COL4A4: variants seen among roughly 807,000 people sequenced by gnomAD.
COL4A4 encodes the protein collagen type IV alpha 4 chain.
Under a neutral mutation model 192.9 loss-of-function variants are expected in COL4A4, and 105 were observed. The ratio of observed to expected loss-of-function variants is 0.54; its 90% confidence interval spans 0.46 to 0.64. The LOEUF (loss-of-function observed/expected upper bound fraction) is 0.64. Among genes scored for constraint, COL4A4 ranks in the 30% least tolerant of loss-of-function variants. COL4A4 has a pLI of 0.00. For missense variants in COL4A4, 1,967 were observed against 2,169.3 expected, an observed-to-expected ratio of 0.91 and a Z score of 1.85; for synonymous variants, 762 against 769.9, an observed-to-expected ratio of 0.99 and a Z score of 0.17.
Position 227,050,098 on chromosome 2 carries a change from A to G in COL4A4, c.3184T>C (p.Ser1062Pro). 1.2e-6 allele frequency: 2 copies of G among 1,614,232 alleles called. No individual in the cohort carries two copies. The highest frequency in any genetic ancestry group is 1.7e-6 in the Non-Finnish European group (2 of 1,180,034). ...GGTCCTCTTGCTCCATCAATTCCTG[A>G]AAATCCAGGGGGACCTGGAGAACCT... ...EPGSPGPPGF[S>P]GIDGARGPKG... The change falls in exon 34 of 48, where the codon TCA (serine) becomes CCA (proline). Residue 1062 changes from serine to proline, a missense_variant. Coordinates refer to ENST00000396625, the MANE Select transcript of COL4A4 (RefSeq NM_000092.5).
intron 18 of COL4A4, among the ~76,000 whole-genome samples, chr2:227,099,044 G>T (rs1394253012): frequency 6.6e-6 from 1 of 152,144 alleles, no homozygotes; most frequent in Non-Finnish European, 1.5e-5. Flanking sequence ...GCAGCATCTT[G>T]ATAGGTGTTA....
In COL4A4 at chr2:227,103,627, T is replaced by G. The variant is rs575443222; in HGVS notation, c.816+345A>C. On this transcript the variant is annotated intron_variant, in intron 13 of 47. Coordinates refer to ENST00000396625, the MANE Select transcript of COL4A4 (RefSeq NM_000092.5). ...TCTATGCATTTGTTACCTTCTCAAT[T>G]ATCAAGACATCAAACTCATCTGTAA... Among the ~76,000 whole-genome samples the G allele has an allele frequency of 4.9e-4, 75 of 152,344 alleles. 1 individual carries two copies. The highest frequency in any genetic ancestry group is 3.4e-3 in the Middle Eastern group (1 of 294).
At chr2:227,068,216 G>T (rs1474755106) in intron 25 of COL4A4, among the ~76,000 whole-genome samples, 3 of 151,694 alleles carry the variant, frequency 2.0e-5, no homozygotes, top group African/African-American at 4.8e-5. Flanking sequence ...TGAAATTGTG[G>T]CAATAATCAA....
chr2:226,980,419 C>T, the COL4A4 span, among the ~76,000 whole-genome samples: 3 of 152,236 alleles, frequency 2.0e-5, no homozygotes, highest in African/African-American at 7.2e-5. Context: ...GAAGAGAAAA[C>T]GGGAGATTTG....
chr2:227,022,312 T>C (rs1246486647), intron 43 of COL4A4, 139 bp from the exon 44 acceptor site: 1 of 1,167,950 alleles, frequency 8.6e-7, no homozygotes, highest in African/African-American at 1.5e-5. Flanking sequence ...GTATAAATGT[T>C]TGTAAAGATT....
At chr2:227,030,669 T>G (rs1329143063) in intron 40 of COL4A4, 71 bp from the exon 41 acceptor site, 2 of 1,291,348 alleles carry the variant, frequency 1.5e-6, no homozygotes, top group Non-Finnish European at 2.1e-6. Flanking sequence ...GCTTGACAGC[T>G]TCCGAAGAAA....
rs549729055 is a variant in COL4A4, at chr2:227,142,789, T to A, written c.114+1727A>T. ...AAAAAAAAAAGTTCAAACAAAGAAGTTATTAATGTCTTATACTTGTAATTC... is the reference window on the plus strand; with the variant it reads ...AAAAAAAAAAGTTCAAACAAAGAAGATATTAATGTCTTATACTTGTAATTC... On this transcript the variant is annotated intron_variant, in intron 3 of 47. Coordinates refer to ENST00000396625, the MANE Select transcript of COL4A4 (RefSeq NM_000092.5). 1.1e-4 allele frequency among the ~76,000 whole-genome samples: 17 copies of A among 151,070 alleles called. No individual in the cohort carries two copies. The South Asian group carries it at 3.6e-3, about 32-fold the overall frequency.
intron 37 of COL4A4, 54 bp downstream of exon 37, chr2:227,042,094 T>C: frequency 9.2e-7 from 1 of 1,083,252 alleles, no homozygotes; most frequent in Non-Finnish European, 1.4e-6. Context: ...ACACCATCAA[T>C]TTGCCCTCAT....
chr2:226,978,158 A>G, the COL4A4 span, among the ~76,000 whole-genome samples: 4 of 152,226 alleles, frequency 2.6e-5, no homozygotes, highest in South Asian at 2.1e-4. Flanking sequence ...CTTCAGATCC[A>G]TAGAAACAAT....
chr2:226,988,394 G>C, the COL4A4 span: 1 of 1,550,508 alleles, frequency 6.4e-7, no homozygotes. Context: ...GGTCAGAACA[G>C]ACAAAGGACC....
intron 1 of COL4A4, among the ~76,000 whole-genome samples, chr2:227,157,848 GT>G (rs1657248582): frequency 2.0e-5 from 3 of 151,896 alleles, no homozygotes; most frequent in African/African-American, 7.2e-5. Context: ...AATAATACCA[GT>G]TTTTTTATAT....
chr2:227,156,086 C>T (rs111391178), intron 1 of COL4A4, among the ~76,000 whole-genome samples: 8 of 151,530 alleles, frequency 5.3e-5, no homozygotes, highest in African/African-American at 1.9e-4. Flanking sequence ...GCTCACAATA[C>T]ATTGGGAAAA....
rs4296416 is a variant in COL4A4, at chr2:227,057,210, G to A, written c.2545+229C>T. On this transcript the variant is annotated intron_variant, in intron 29 of 47. Coordinates refer to ENST00000396625, the MANE Select transcript of COL4A4 (RefSeq NM_000092.5). The stretch of plus-strand genomic sequence containing the variant: ...TTCCTTGGCTCAGGGCTCCTCTCAT[G>A]TAATGCAACCCACTGTGTGTGTGGC... 0.62 allele frequency among the ~76,000 whole-genome samples: 93,743 copies of A among 151,984 alleles called. 29,130 individuals are homozygous for A. The highest frequency in any genetic ancestry group is 0.74 in the South Asian group (3,581 of 4,820).
chr2:227,109,341 C>T, intron 9 of COL4A4, 55 bp from the exon 10 acceptor site: 4 of 1,409,614 alleles, frequency 2.8e-6, no homozygotes, highest in Non-Finnish European at 4.0e-6. Flanking sequence ...TCATCTTTCA[C>T]AGAAAGAGTT....
chr2:227,138,430 G>A (rs1429302646), intron 4 of COL4A4, among the ~76,000 whole-genome samples: 19 of 152,032 alleles, frequency 1.2e-4, no homozygotes, highest in African/African-American at 3.1e-4. Flanking sequence ...TCAGGAGATC[G>A]AGACCATCCT....
chr2:226,976,879 T>C, the COL4A4 span, among the ~76,000 whole-genome samples: 3 of 152,182 alleles, frequency 2.0e-5, no homozygotes, highest in Admixed American at 2.0e-4. Context: ...GCATTTTATA[T>C]ATAAAACTGA....
At position 227,108,877 on chromosome 2, in the gene COL4A4, A is replaced by T. The variant is rs765980443; in HGVS notation, c.658-9T>A. 1 of 1,610,862 alleles carries T rather than the reference A, an allele frequency of 6.2e-7. No homozygotes were observed. The highest frequency in any genetic ancestry group is 8.5e-7 in the Non-Finnish European group (1 of 1,178,012). The stretch of plus-strand genomic sequence containing the variant: ...GGTTGGCCCGGAGGTCCCTAAATCA[A>T]GGGAGAAAAAAACACAAATCAATCA... On this transcript the variant is annotated splice_polypyrimidine_tract_variant and intron_variant, in intron 10 of 47. Transcript: ENST00000396625.
intron 25 of COL4A4, among the ~76,000 whole-genome samples, chr2:227,062,852 T>C (rs1977473768): frequency 6.6e-6 from 1 of 152,152 alleles, no homozygotes; most frequent in Non-Finnish European, 1.5e-5. Flanking sequence ...TTATAAAAAG[T>C]ATAAGTTTCA....
intron 37 of COL4A4, among the ~76,000 whole-genome samples, chr2:227,041,192 T>C (rs898666495): frequency 6.6e-6 from 1 of 152,190 alleles, no homozygotes; most frequent in Non-Finnish European, 1.5e-5. Context: ...TCTCCTGCCA[T>C]ACTGTCAGCT....
Sources: gnomAD v4.1 joint callset for allele counts (sites outside exome capture counted in the v4.1 genomes callset) on GRCh38, gnomAD v4.1.1 for gene constraint, MANE v1.5 for transcripts, NCBI Gene and HGNC (gene_info 2026-07-23, HGNC 2026-07-21) for gene names.